SLIT3: variants seen among roughly 807,000 people sequenced by gnomAD.
SLIT3 encodes the protein slit homolog 3 protein.
Under a neutral mutation model 184.0 loss-of-function variants are expected in SLIT3, and 68 were observed. The ratio of observed to expected loss-of-function variants is 0.37; its 90% CI spans 0.30 to 0.45. The LOEUF is 0.45. Among genes scored for constraint, SLIT3 ranks in the 20% least tolerant of loss-of-function variants. The pLI, the probability that SLIT3 is intolerant of heterozygous loss-of-function variation, is 1.00. For synonymous variants in SLIT3, 831 were observed against 828.6 expected, an observed-to-expected ratio of 1.00 and a Z score of -0.05; for missense variants, 1,707 against 2,026.0, an observed-to-expected ratio of 0.84 and a Z score of 3.02.
chr5:169,217,618 C>A (rs1382020186), intron 3 of SLIT3, among the ~76,000 whole-genome samples: 8 of 152,188 alleles, frequency 5.3e-5, no homozygotes, highest in African/African-American at 9.7e-5. Flanking sequence ...AAGTCAGGGG[C>A]ATTTATCTCC....
In SLIT3 at chr5:168,774,966, C is replaced by T. The variant is rs888676025; in HGVS notation, c.1152-588G>A. On this transcript the variant is annotated intron_variant, in intron 12 of 35. Transcript: ENST00000519560. ...GAGCACAGAGCCCCATGTGGTTTGA[C>T]CTTGGCCCTTTCGCCAACCTCATCC... Among the ~76,000 whole-genome samples, 3 of 151,930 alleles carry T rather than the reference C, an allele frequency of 2.0e-5. No individual in the cohort carries two copies. In the East Asian group the frequency reaches 5.8e-4, roughly 29 times the overall value.
chr5:168,955,400 T>C (rs879798194), intron 4 of SLIT3, among the ~76,000 whole-genome samples: 1 of 152,194 alleles, frequency 6.6e-6, no homozygotes, highest in Admixed American at 6.5e-5. Context: ...AGGACTCAAT[T>C]GCTCCCCACT....
intron 4 of SLIT3, among the ~76,000 whole-genome samples, chr5:169,025,580 G>A (rs1756786403): frequency 6.6e-6 from 1 of 152,140 alleles, no homozygotes; most frequent in African/African-American, 2.4e-5. Flanking sequence ...TGGTAAAGAC[G>A]AGGCATATAG....
chr5:168,822,429 C>A (rs145604250), intron 7 of SLIT3, among the ~76,000 whole-genome samples: 1 of 152,252 alleles, frequency 6.6e-6, no homozygotes, highest in East Asian at 1.9e-4. Flanking sequence ...TTGGCTGACA[C>A]CCTTGGGAGC....
chr5:169,009,862 T>C (rs1267555767), intron 4 of SLIT3, among the ~76,000 whole-genome samples: 2 of 152,220 alleles, frequency 1.3e-5, no homozygotes, highest in Admixed American at 6.5e-5. Flanking sequence ...GGCTGGAACA[T>C]ATTTTGAACT....
At position 169,042,186 on chromosome 5, in the gene SLIT3, GACAA is replaced by G. The variant is rs1757469060; in HGVS notation, c.413+151289_413+151292del. ...CTCCAGAATCACACTTCCAGACAGT[GACAA>G]ACAGAGCCCCTCAATACCTTCATAC... On this transcript the variant is annotated intron_variant, in intron 4 of 35. Coordinates refer to ENST00000519560, the MANE Select transcript of SLIT3 (RefSeq NM_003062.4). Among the ~76,000 whole-genome samples, 3 of 152,140 alleles carry G rather than the reference GACAA, an allele frequency of 2.0e-5. No individual in the cohort carries two copies. In the South Asian group the frequency reaches 6.2e-4, roughly 32 times the overall value.
At chr5:168,687,746 G>A (rs561403706) in intron 29 of SLIT3, among the ~76,000 whole-genome samples, 2 of 152,272 alleles carry the variant, frequency 1.3e-5, no homozygotes, top group South Asian at 2.1e-4. Flanking sequence ...TGCATTAAAC[G>A]TTAAATATTC....
chr5:168,780,064 A>G (rs1755915249), intron 12 of SLIT3, among the ~76,000 whole-genome samples: 2 of 152,276 alleles, frequency 1.3e-5, no homozygotes, highest in Non-Finnish European at 2.9e-5. Flanking sequence ...GTCAGGCTTA[A>G]TGATCAATTG....
At chr5:168,739,089 C>T (rs910135554) in intron 20 of SLIT3, among the ~76,000 whole-genome samples, 5 of 152,214 alleles carry the variant, frequency 3.3e-5, no homozygotes, top group Admixed American at 1.3e-4. Flanking sequence ...ATGAGATCAG[C>T]GGTGATATCA....
intron 4 of SLIT3, among the ~76,000 whole-genome samples, chr5:169,137,341 G>GAGAGAGAC (rs1761554116): frequency 6.6e-6 from 1 of 151,016 alleles, no homozygotes; most frequent in African/African-American, 2.5e-5. Context: ...CACACAGAGA[G>GAGAGAGAC]AGAGAGAGAG....
intron 4 of SLIT3, among the ~76,000 whole-genome samples, chr5:169,152,985 C>G (rs990372244): frequency 6.6e-6 from 1 of 152,230 alleles, no homozygotes; most frequent in Non-Finnish European, 1.5e-5. Context: ...GTGGCACTTT[C>G]CCTTTTTCAG....
chr5:168,804,330 A>AAAAAAAAAAAAAAAAAC (rs1756883147), intron 9 of SLIT3, among the ~76,000 whole-genome samples: 1 of 129,122 alleles, frequency 7.7e-6, no homozygotes, highest in East Asian at 2.8e-4. Context: ...AAAAAAAAAA[A>AAAAAAAAAAAAAAAAAC]AAAAAAAAAG....
chr5:168,744,781 G>C (rs1287502081), intron 20 of SLIT3, among the ~76,000 whole-genome samples: 1 of 152,190 alleles, frequency 6.6e-6, no homozygotes, highest in Admixed American at 6.5e-5. Context: ...AAATATTACT[G>C]CTCACTGACA....
chr5:169,067,917 A>C (rs1248562221), intron 4 of SLIT3, among the ~76,000 whole-genome samples: 3 of 152,236 alleles, frequency 2.0e-5, no homozygotes, highest in African/African-American at 7.2e-5. Context: ...GGCACACTTG[A>C]GGAAAATTAT....
At chr5:169,261,164 A>G (rs186189771) in intron 1 of SLIT3, among the ~76,000 whole-genome samples, 1 of 152,384 alleles carries the variant, frequency 6.6e-6, no homozygotes, top group East Asian at 1.9e-4. Flanking sequence ...ACAGAAGAGT[A>G]TGGAGGAAGG....
At chr5:168,817,606 G>A in intron 7 of SLIT3, 143 bp from the exon 8 acceptor site, 1 of 724,590 alleles carries the variant, frequency 1.4e-6, no homozygotes, top group African/African-American at 1.8e-5. Flanking sequence ...AATTCCCTCT[G>A]CACTACCAAA....
chr5:169,144,741 A>C (rs902016157), intron 4 of SLIT3, among the ~76,000 whole-genome samples: 9 of 152,244 alleles, frequency 5.9e-5, no homozygotes, highest in Non-Finnish European at 8.8e-5. Context: ...GAGAATGCCC[A>C]ATGGCCAAGA....
chr5:169,286,242 T>C (rs1767146297), intron 1 of SLIT3, among the ~76,000 whole-genome samples: 1 of 152,228 alleles, frequency 6.6e-6, no homozygotes, highest in African/African-American at 2.4e-5. Flanking sequence ...AGCAAAATTA[T>C]GTCTCTGAAT....
chr5:168,717,702 C>T (rs187989409), intron 23 of SLIT3, among the ~76,000 whole-genome samples: 4 of 151,956 alleles, frequency 2.6e-5, no homozygotes, highest in African/African-American at 9.7e-5. Context: ...GCTCTGTGGC[C>T]AAGGCTGGAG....
Sources: allele counts gnomAD v4.1 joint callset (sites outside exome capture counted in the v4.1 genomes callset), GRCh38; gene constraint gnomAD v4.1.1; transcripts MANE v1.5; gene names NCBI Gene and HGNC (gene_info 2026-07-23, HGNC 2026-07-21).